Variants in LRRC4C observed in about 807,000 individuals in gnomAD.
LRRC4C encodes the protein leucine rich repeat containing 4C.
In LRRC4C, 5 loss-of-function variants were observed where a neutral mutation model predicts 33.6. That is an observed-to-expected ratio of 0.15 (90% CI 0.08 to 0.31). The LOEUF is 0.31. LRRC4C is among the 10% of genes least tolerant of loss of function. The probability of loss-of-function intolerance (pLI) is 1.00; values close to 1 mark genes in which losing one functional copy is unlikely to be tolerated. For missense variants in LRRC4C, 560 were observed against 796.7 expected, an observed-to-expected ratio of 0.70 and a Z score of 3.58; for synonymous variants, 329 against 302.0, an observed-to-expected ratio of 1.09 and a Z score of -0.93.
intron 2 of LRRC4C, among the ~76,000 whole-genome samples, chr11:40,929,143 T>C (rs912801142): frequency 1.3e-5 from 2 of 152,168 alleles, no homozygotes; most frequent in Non-Finnish European, 2.9e-5. Context: ...CTCTTTAAAG[T>C]TGCAAAACTT....
chr11:41,097,190 C>T (rs898370356), intron 1 of LRRC4C, among the ~76,000 whole-genome samples: 2 of 152,072 alleles, frequency 1.3e-5, no homozygotes, highest in East Asian at 1.9e-4. Flanking sequence ...ACAGTTGTGG[C>T]GTTTCTAACC....
intron 1 of LRRC4C, among the ~76,000 whole-genome samples, chr11:41,001,323 G>A (rs1012170067): frequency 3.9e-5 from 6 of 152,150 alleles, no homozygotes; most frequent in Non-Finnish European, 8.8e-5. Context: ...TTAAGATCGA[G>A]CAAGAAGGAG....
intron 1 of LRRC4C, among the ~76,000 whole-genome samples, chr11:41,031,158 TA>T (rs569667536): frequency 1.8e-3 from 274 of 151,934 alleles, no homozygotes; most frequent in Non-Finnish European, 3.6e-3. Context: ...TGATTTTATT[TA>T]AAATGGCTAG....
intron 5 of LRRC4C, among the ~76,000 whole-genome samples, chr11:40,180,116 T>G (rs953312751): frequency 1.3e-5 from 2 of 152,230 alleles, no homozygotes; most frequent in Non-Finnish European, 2.9e-5. Flanking sequence ...GTAATTAGAT[T>G]AAAGTAAAAA....
At chr11:40,569,154 C>T (rs1957877192) in intron 3 of LRRC4C, among the ~76,000 whole-genome samples, 1 of 152,146 alleles carries the variant, frequency 6.6e-6, no homozygotes, top group Non-Finnish European at 1.5e-5. Context: ...CTGATCTCCA[C>T]ACCTTTCAGG....
chr11:40,843,792 C>T (rs1953024313), intron 2 of LRRC4C, among the ~76,000 whole-genome samples: 1 of 152,134 alleles, frequency 6.6e-6, no homozygotes, highest in Non-Finnish European at 1.5e-5. Context: ...GAAATTGTTA[C>T]ATTTTCAGTT....
rs148064425 is a variant in LRRC4C at position 40,148,173 on chromosome 11, A to G, written c.-95-7320T>C. ...CTTTGCTGTTGTGAACAGTGCTGCA[A>G]TGAACATATAAGTGCATGTGTCTTT... On this transcript the variant is annotated intron_variant, in intron 5 of 6. Coordinates refer to ENST00000528697, the MANE Select transcript of LRRC4C (RefSeq NM_001258419.2). Among the ~76,000 whole-genome samples the G allele has an allele frequency of 4.8e-3, 732 of 152,302 alleles. 4 individuals carry two copies. Among genetic ancestry groups the G allele is most frequent in the African/African-American group, 0.016 (679 of 41,574 alleles).
chr11:40,570,119 T>G (rs1381554555), intron 3 of LRRC4C, among the ~76,000 whole-genome samples: 1 of 152,046 alleles, frequency 6.6e-6, no homozygotes, highest in African/African-American at 2.4e-5. Flanking sequence ...AATAAATCTA[T>G]TCACATAATT....
At chr11:40,902,818 C>T (rs576366054) in intron 2 of LRRC4C, among the ~76,000 whole-genome samples, 2 of 152,174 alleles carry the variant, frequency 1.3e-5, no homozygotes, top group African/African-American at 4.8e-5. Context: ...AGGTGAGGAA[C>T]CTGCAGAAGA....
intron 3 of LRRC4C, among the ~76,000 whole-genome samples, chr11:40,490,074 G>A (rs77366836): frequency 0.014 from 2,093 of 152,100 alleles, 25 homozygotes; most frequent in South Asian, 0.042. Context: ...CCATCTTTGT[G>A]TCAAACAATG....
intron 1 of LRRC4C, among the ~76,000 whole-genome samples, chr11:41,249,191 C>T (rs548978325): frequency 3.3e-5 from 5 of 152,158 alleles, no homozygotes; most frequent in Admixed American, 6.5e-5. Flanking sequence ...CCTGCCACCA[C>T]GCCTGGCTAA....
intron 2 of LRRC4C, among the ~76,000 whole-genome samples, chr11:40,803,032 A>C (rs145722933): frequency 6.6e-6 from 1 of 152,324 alleles, no homozygotes; most frequent in Non-Finnish European, 1.5e-5. Context: ...TAATTAGGGT[A>C]AATGGATCAC....
chr11:40,958,009 A>G (rs1330457363), intron 1 of LRRC4C, among the ~76,000 whole-genome samples: 1 of 151,576 alleles, frequency 6.6e-6, no homozygotes, highest in Non-Finnish European at 1.5e-5. Context: ...AGGCTTCATG[A>G]TTGGGATTTG....
chr11:40,858,290 G>A (rs1953902210), intron 2 of LRRC4C, among the ~76,000 whole-genome samples: 1 of 152,104 alleles, frequency 6.6e-6, no homozygotes, highest in African/African-American at 2.4e-5. Flanking sequence ...GGCTAGTCTT[G>A]AAAATAGGAG....
intron 1 of LRRC4C, among the ~76,000 whole-genome samples, chr11:40,952,527 T>C (rs900826309): frequency 6.6e-6 from 1 of 151,952 alleles, no homozygotes; most frequent in Non-Finnish European, 1.5e-5. Flanking sequence ...TGTTGCTATA[T>C]TTGAAGCAAT....
At chr11:40,418,688 T>C (rs906865474) in intron 3 of LRRC4C, among the ~76,000 whole-genome samples, 6 of 152,098 alleles carry the variant, frequency 3.9e-5, no homozygotes, top group African/African-American at 1.4e-4. Context: ...CTATTCACAA[T>C]AGCGAAGGCA....
chr11:40,973,766 T>A (rs1399792989), intron 1 of LRRC4C, among the ~76,000 whole-genome samples: 1 of 152,212 alleles, frequency 6.6e-6, no homozygotes, highest in African/African-American at 2.4e-5. Context: ...TGGTTTTTAA[T>A]TTAGACAATA....
intron 1 of LRRC4C, among the ~76,000 whole-genome samples, chr11:41,213,334 G>A (rs1295192958): frequency 3.3e-5 from 5 of 152,146 alleles, no homozygotes; most frequent in East Asian, 1.9e-4. Flanking sequence ...AAAATTATGC[G>A]GAGAAATGGA....
chr11:40,974,896 G>C (rs1449616096), intron 1 of LRRC4C, among the ~76,000 whole-genome samples: 1 of 152,136 alleles, frequency 6.6e-6, no homozygotes, highest in East Asian at 1.9e-4. Context: ...TGGAACTCCA[G>C]GATTTACACC....
Sources: gnomAD v4.1 joint callset for allele counts (sites outside exome capture counted in the v4.1 genomes callset) on GRCh38, gnomAD v4.1.1 for gene constraint, MANE v1.5 for transcripts, NCBI Gene and HGNC (gene_info 2026-07-23, HGNC 2026-07-21) for gene names.